Variants in SLC11A2 observed in about 807,000 individuals in gnomAD.
The protein encoded by SLC11A2 is solute carrier family 11 member 2.
SLC11A2 carries 38 observed loss-of-function variants against 68.0 expected under a neutral mutation model. The observed-to-expected ratio is 0.56, with a 90% CI of 0.43 to 0.73. SLC11A2 has a LOEUF of 0.73. SLC11A2 is among the 30% of genes least tolerant of loss of function. The pLI is 0.00. For missense variants in SLC11A2, 517 were observed against 690.5 expected (o/e 0.75, Z 2.82); for synonymous variants, 242 against 250.6 (o/e 0.97, Z 0.32).
downstream of SLC11A2, chr12:50,980,306 G>T: frequency 5.9e-6 from 1 of 169,318 alleles, no homozygotes; most frequent in East Asian, 1.6e-4. Context: ...GATCACTTGA[G>T]GTCAAGAGTT....
chr12:51,017,624 T>C (rs1438417867), intron 1 of SLC11A2, among the ~76,000 whole-genome samples: 1 of 152,164 alleles, frequency 6.6e-6, no homozygotes, highest in East Asian at 1.9e-4. Flanking sequence ...ATAAAAAATG[T>C]CAAGGTCATA....
chr12:50,969,163 G>A, the SLC11A2 span, among the ~76,000 whole-genome samples: 13 of 151,718 alleles, frequency 8.6e-5, no homozygotes, highest in Admixed American at 4.6e-4. Flanking sequence ...GTGTGGTGGC[G>A]CACACCTATA....
At chr12:50,996,345 C>A (rs1379146146) in intron 9 of SLC11A2, among the ~76,000 whole-genome samples, 1 of 152,108 alleles carries the variant, frequency 6.6e-6, no homozygotes, top group Non-Finnish European at 1.5e-5. Flanking sequence ...GAGGCCAAGG[C>A]GGGTGGATTG....
Position 50,987,280 on chromosome 12 carries a change from A to G in SLC11A2, c.*1045T>C, listed in dbSNP as rs750386714. 5 of 1,287,226 alleles carry G rather than the reference A, an allele frequency of 3.9e-6. No individual in the cohort carries two copies. The highest frequency in any genetic ancestry group is 1.2e-5 in the South Asian group (1 of 80,938). The allele number at this position is 1,287,226 out of a possible 1,614,324, so 79.7% of individuals were successfully genotyped here. On this transcript the variant is annotated 3_prime_UTR_variant, in exon 16 of 16. Transcript: ENST00000262052. ...ACTTGCAGAGAACGCTGAGAAAGAC[A>G]GTGTGCTTTGCAACGGTTAAGTCCA...
intron 3 of SLC11A2, chr12:51,005,809 G>A: frequency 3.4e-6 from 2 of 587,804 alleles, no homozygotes; most frequent in East Asian, 6.7e-5. Flanking sequence ...CAACTACTTG[G>A]GACACTGAGG....
chr12:50,971,794 G>T, the SLC11A2 span, among the ~76,000 whole-genome samples: 4 of 152,186 alleles, frequency 2.6e-5, no homozygotes, highest in Non-Finnish European at 5.9e-5. Context: ...TGTAATGGAG[G>T]TTTACACTGA....
intron 9 of SLC11A2, 144 bp from the exon 10 acceptor site, chr12:50,995,931 C>T: frequency 1.4e-6 from 1 of 722,318 alleles, no homozygotes; most frequent in South Asian, 1.6e-5. Context: ...TCACCTACAT[C>T]CTAGTTCACT....
Position 51,008,386 on chromosome 12 carries a change from G to C in SLC11A2, c.183+90C>G, listed in dbSNP as rs983205937. Reference sequence around the variant, plus strand: ...GAGATTGCCAGCCAAAATTAAACCTGAGGCTGCTGAACTTGAGCCATCCAG... The same window carrying C: ...GAGATTGCCAGCCAAAATTAAACCTCAGGCTGCTGAACTTGAGCCATCCAG... On this transcript the variant is annotated intron_variant, in intron 3 of 15. Coordinates refer to ENST00000262052, the MANE Select transcript of SLC11A2 (RefSeq NM_000617.3). 1.6e-5 allele frequency: 16 copies of C among 1,026,252 alleles called. No homozygotes were observed. The Admixed American group carries it at 2.7e-4, about 17-fold the overall frequency. 63.6% of individuals were successfully genotyped at this position (1,026,252 alleles called of 1,614,324 possible).
Position 50,986,882 on chromosome 12 carries a change from G to GGGT in SLC11A2, c.*1442_*1443insACC. ...GCAAGTATCAGTAATAATGCTTTTGGGGGCTCAGATGAACAGCGAACACCA... is the reference window on the plus strand; with the variant it reads ...GCAAGTATCAGTAATAATGCTTTTGGGGTGGGCTCAGATGAACAGCGAACACCA... On this transcript the variant is annotated 3_prime_UTR_variant, in exon 16 of 16. Transcript: ENST00000262052. The GGGT allele has an allele frequency of 2.3e-6, 3 of 1,287,140 alleles. No homozygotes were observed. The highest frequency in any genetic ancestry group is 3.0e-6 in the Non-Finnish European group (3 of 988,682). 79.7% of individuals were successfully genotyped at this position (1,287,140 alleles called of 1,614,324 possible).
chr12:51,011,397 G>A (rs1592409791), intron 1 of SLC11A2, among the ~76,000 whole-genome samples: 1 of 151,938 alleles, frequency 6.6e-6, no homozygotes, highest in East Asian at 1.9e-4. Flanking sequence ...CATAGTGCTG[G>A]GATTATAGGC....
chr12:50,986,580 T>A lies in SLC11A2; in HGVS notation c.*1745A>T, dbSNP rs899143415. 5 of 1,287,102 alleles carry A rather than the reference T, an allele frequency of 3.9e-6. No homozygotes were observed. Among genetic ancestry groups the A allele is most frequent in the Non-Finnish European group, 5.1e-6 (5 of 988,664 alleles). The allele number at this position is 1,287,102 out of a possible 1,614,324, so 79.7% of individuals were successfully genotyped here. A position where few individuals can be genotyped will look rare whatever the true frequency, so the allele number is the denominator to read the frequency against. On this transcript the variant is annotated 3_prime_UTR_variant, in exon 16 of 16. Transcript: ENST00000262052. ...TATCATCTTTATAAAGAATTTTTTT[T>A]TTGTCGTCAGTTTGGCCTTTCCTAC...
chr12:50,981,508 T>C, downstream of SLC11A2: 1 of 465,952 alleles, frequency 2.1e-6, no homozygotes, highest in Non-Finnish European at 3.9e-6. Flanking sequence ...AGGCCAATCG[T>C]TTAACTCTGG....
intron 8 of SLC11A2, among the ~76,000 whole-genome samples, chr12:50,998,452 T>C (rs1266088514): frequency 6.6e-6 from 1 of 152,202 alleles, no homozygotes; most frequent in African/African-American, 2.4e-5. Flanking sequence ...TGTTCACCCA[T>C]GTTCATTTAA....
At chr12:50,989,092 A>G (rs1259873487) in intron 15 of SLC11A2, among the ~76,000 whole-genome samples, 1 of 152,160 alleles carries the variant, frequency 6.6e-6, no homozygotes, top group Admixed American at 6.5e-5. Context: ...AAGAATGACT[A>G]ACAGACTAAT....
intron 9 of SLC11A2, among the ~76,000 whole-genome samples, chr12:50,996,310 C>A (rs319932): frequency 0.7 from 105,668 of 152,036 alleles, 37,903 homozygotes; most frequent in East Asian, 0.87. Flanking sequence ...TGCAGTAGCT[C>A]ACGCCTGTAA....
At chr12:51,016,159 G>A (rs997588320) in intron 1 of SLC11A2, among the ~76,000 whole-genome samples, 3 of 152,084 alleles carry the variant, frequency 2.0e-5, no homozygotes, top group African/African-American at 4.8e-5. Context: ...CTAACACTTC[G>A]GGAGGCCAAG....
chr12:51,009,197 G>T, intron 2 of SLC11A2: 1 of 1,472,366 alleles, frequency 6.8e-7, no homozygotes, highest in Non-Finnish European at 9.0e-7. Flanking sequence ...CCACAGTTCA[G>T]GCTAAACTCT....
chr12:51,013,021 A>T (rs982753255), intron 1 of SLC11A2, among the ~76,000 whole-genome samples: 1 of 152,230 alleles, frequency 6.6e-6, no homozygotes, highest in Admixed American at 6.5e-5. Context: ...TAATTGTAAC[A>T]AACTAATGTT....
At chr12:50,994,015 A>AAAAAAAAAAAC (rs1941455472) in intron 11 of SLC11A2, among the ~76,000 whole-genome samples, 1 of 128,668 alleles carries the variant, frequency 7.8e-6, no homozygotes, top group African/African-American at 2.8e-5. Context: ...AAAAAAAAAA[A>AAAAAAAAAAAC]AAGCTGGGGT....
Sources: allele counts gnomAD v4.1 joint callset (sites outside exome capture counted in the v4.1 genomes callset), GRCh38; gene constraint gnomAD v4.1.1; transcripts MANE v1.5; gene names NCBI Gene and HGNC (gene_info 2026-07-23, HGNC 2026-07-21).